CLASP1: variants seen among roughly 807,000 people sequenced by gnomAD.
CLASP1 encodes cytoplasmic linker associated protein 1.
Under a neutral mutation model 192.3 loss-of-function variants are expected in CLASP1, and 38 were observed. The observed-to-expected ratio is 0.20, with a 90% CI of 0.15 to 0.26. The LOEUF (loss-of-function observed/expected upper bound fraction) is 0.26, where lower values mean the gene tolerates loss of function less well. Ranked by LOEUF, CLASP1 falls within the 10% of genes least tolerant of loss-of-function variation. The pLI is 1.00. For missense variants in CLASP1, 1,433 were observed against 1,932.5 expected (o/e 0.74, Z 4.85); for synonymous variants, 691 against 712.8 (o/e 0.97, Z 0.49).
At chr2:121,467,726 T>C (rs2089930247) in intron 9 of CLASP1, among the ~76,000 whole-genome samples, 1 of 152,224 alleles carries the variant, frequency 6.6e-6, no homozygotes, top group African/African-American at 2.4e-5. Context: ...TTGCAAAATT[T>C]TTCTCCCATT....
chr2:121,465,019 T>C (rs2149915178), intron 9 of CLASP1, among the ~76,000 whole-genome samples: 1 of 152,252 alleles, frequency 6.6e-6, no homozygotes, highest in Admixed American at 6.5e-5. Context: ...GGGACGTATC[T>C]CAAAATCATA....
At chr2:121,463,959 AG>A (rs2088775591) in intron 9 of CLASP1, among the ~76,000 whole-genome samples, 2 of 151,054 alleles carry the variant, frequency 1.3e-5, no homozygotes, top group Admixed American at 1.3e-4. Context: ...CTCGTCATTT[AG>A]CATTAGGTAT....
In CLASP1 at chr2:121,602,083, G is replaced by A. The variant is rs1393323862; in HGVS notation, c.195+3618C>T. 4.6e-5 allele frequency among the ~76,000 whole-genome samples: 7 copies of A among 151,458 alleles called. No individual in the cohort carries two copies. The East Asian group carries it at 1.4e-3, about 29-fold the overall frequency. On this transcript the variant is annotated intron_variant, in intron 2 of 39. Transcript: ENST00000263710. Reference sequence around the variant, plus strand: ...CCAGCTACTCAGGAGGTTGAGGCATGAAAATCACTTGAACCCAGGAGGCGG... The same window carrying A: ...CCAGCTACTCAGGAGGTTGAGGCATAAAAATCACTTGAACCCAGGAGGCGG...
chr2:121,529,477 CAGA>C (rs1357569856), intron 3 of CLASP1, among the ~76,000 whole-genome samples: 1 of 152,130 alleles, frequency 6.6e-6, no homozygotes, highest in African/African-American at 2.4e-5. Context: ...ATGACCTTTT[CAGA>C]AGGAGCATAT....
intron 1 of CLASP1, among the ~76,000 whole-genome samples, chr2:121,623,893 T>C (rs543740681): frequency 1.3e-5 from 2 of 152,326 alleles, no homozygotes; most frequent in East Asian, 1.9e-4. Context: ...TTAATTTCAG[T>C]AGTGTCTTTC....
chr2:121,465,751 C>T (rs1318714934), intron 9 of CLASP1, among the ~76,000 whole-genome samples: 6 of 152,198 alleles, frequency 3.9e-5, no homozygotes, highest in Non-Finnish European at 7.3e-5. Flanking sequence ...GGAGGCATCA[C>T]GCTACCTGAC....
intron 2 of CLASP1, among the ~76,000 whole-genome samples, chr2:121,601,350 G>A (rs1017155065): frequency 1.3e-5 from 2 of 148,870 alleles, no homozygotes; most frequent in African/African-American, 2.5e-5. Flanking sequence ...TTGGCTCACT[G>A]CAACCTCTGC....
At chr2:121,455,731 G>A (rs554929795) in intron 14 of CLASP1, among the ~76,000 whole-genome samples, 68 of 152,202 alleles carry the variant, frequency 4.5e-4, no homozygotes, top group Non-Finnish European at 8.2e-4. Context: ...GCGTGGTGGC[G>A]GACGCCTATG....
At chr2:121,423,737 C>T (rs2079927708) in intron 22 of CLASP1, among the ~76,000 whole-genome samples, 1 of 152,202 alleles carries the variant, frequency 6.6e-6, no homozygotes, top group African/African-American at 2.4e-5. Context: ...AATAACTTGT[C>T]AGCTAAGAGA....
At chr2:121,495,617 T>C (rs1217430496) in intron 8 of CLASP1, among the ~76,000 whole-genome samples, 1 of 151,046 alleles carries the variant, frequency 6.6e-6, no homozygotes, top group Non-Finnish European at 1.5e-5. Flanking sequence ...GCCGAGATCA[T>C]GCCATTGCAC....
chr2:121,618,396 T>C (rs1394591343), intron 1 of CLASP1, among the ~76,000 whole-genome samples: 3 of 152,300 alleles, frequency 2.0e-5, no homozygotes, highest in South Asian at 4.1e-4. Context: ...CAAATACATA[T>C]GGACAAAGCA....
chr2:121,395,534 A>G (rs576655783), intron 30 of CLASP1, among the ~76,000 whole-genome samples: 1 of 152,304 alleles, frequency 6.6e-6, no homozygotes, highest in Non-Finnish European at 1.5e-5. Context: ...TCTGCTTCAG[A>G]CATATCAGTC....
At chr2:121,443,355 T>C (rs748226027) in intron 19 of CLASP1, among the ~76,000 whole-genome samples, 1 of 152,104 alleles carries the variant, frequency 6.6e-6, no homozygotes, top group Non-Finnish European at 1.5e-5. Flanking sequence ...TATATAGGCA[T>C]AGAAATCAGG....
intron 8 of CLASP1, among the ~76,000 whole-genome samples, chr2:121,470,881 A>G (rs2090598720): frequency 1.3e-5 from 2 of 152,242 alleles, no homozygotes; most frequent in South Asian, 4.1e-4. Flanking sequence ...GTGAAAAAAA[A>G]GACTTCACTT....
chr2:121,612,202 G>T (rs2065710525), intron 1 of CLASP1, among the ~76,000 whole-genome samples: 1 of 151,246 alleles, frequency 6.6e-6, no homozygotes, highest in Non-Finnish European at 1.5e-5. Context: ...GGAGTTACAG[G>T]CAGAAGAGGA....
intron 1 of CLASP1, among the ~76,000 whole-genome samples, 199 bp downstream of exon 1, chr2:121,649,173 T>A (rs1200884879): frequency 6.6e-6 from 1 of 151,882 alleles, no homozygotes; most frequent in Non-Finnish European, 1.5e-5. Context: ...GACCTACTGG[T>A]TGGATAAACA....
intron 2 of CLASP1, among the ~76,000 whole-genome samples, chr2:121,537,871 T>C (rs2095131863): frequency 6.6e-6 from 1 of 152,188 alleles, no homozygotes; most frequent in Admixed American, 6.5e-5. Context: ...CCGCAAAAGA[T>C]ACAAAGCATC....
chr2:121,512,694 A>G (rs2094173556), intron 7 of CLASP1, among the ~76,000 whole-genome samples: 1 of 152,222 alleles, frequency 6.6e-6, no homozygotes, highest in East Asian at 1.9e-4. Context: ...CTGGTTGTAC[A>G]GGTCTCTTTT....
intron 14 of CLASP1, among the ~76,000 whole-genome samples, chr2:121,457,088 C>T (rs1430103555): frequency 6.6e-6 from 1 of 152,124 alleles, no homozygotes; most frequent in Non-Finnish European, 1.5e-5. Flanking sequence ...TAGGGCAGCT[C>T]GCCAGGACAT....
Sources: allele counts gnomAD v4.1 joint callset (sites outside exome capture counted in the v4.1 genomes callset), GRCh38; gene constraint gnomAD v4.1.1; transcripts MANE v1.5; gene names NCBI Gene and HGNC (gene_info 2026-07-23, HGNC 2026-07-21).